CD226: variants seen among roughly 807,000 people sequenced by gnomAD.
CD226 encodes CD226 molecule, also known as CD226 antigen.
In CD226, 24 loss-of-function variants were observed where a neutral mutation model predicts 34.9. The observed-to-expected ratio is 0.69, with a 90% CI of 0.50 to 0.97. The LOEUF (loss-of-function observed/expected upper bound fraction) is 0.97. Among genes scored for constraint, CD226 ranks in the 50% least tolerant of loss-of-function variants. The pLI, the probability that CD226 is intolerant of heterozygous loss-of-function variation, is 0.00. For missense variants in CD226, 397 were observed against 412.7 expected, an observed-to-expected ratio of 0.96 and a Z score of 0.33; for synonymous variants, 148 against 147.4, an observed-to-expected ratio of 1.00 and a Z score of -0.03.
chr18:69,958,838 C>T (rs1399507871), upstream of CD226, among the ~76,000 whole-genome samples: 1 of 150,084 alleles, frequency 6.7e-6, no homozygotes, highest in Non-Finnish European at 1.5e-5. Flanking sequence ...CATCCTTCTC[C>T]TTATCACCCA....
chr18:69,856,823 C>T lies in CD226; in HGVS notation c.*7491G>A, dbSNP rs1300624332. On this transcript the variant is annotated 3_prime_UTR_variant, in exon 6 of 6. Coordinates refer to ENST00000582621, the MANE Select transcript of CD226 (RefSeq NM_001303618.2). ...GTGAAATTTATAGCATTAAGTGCCA[C>T]TATTGGAAAAGAAAACAACATATAA... 6.6e-6 allele frequency: 1 copy of T among 152,154 alleles called. No homozygotes were observed. Among genetic ancestry groups the T allele is most frequent in the African/African-American group, 2.4e-5 (1 of 41,430 alleles). The allele number at this position is 152,154 out of a possible 1,614,324, so 9.4% of individuals were successfully genotyped here. A position where few individuals can be genotyped will look rare whatever the true frequency, so the allele number is the denominator to read the frequency against.
At chr18:69,875,699 T>C (rs889858135) in intron 3 of CD226, among the ~76,000 whole-genome samples, 2 of 152,260 alleles carry the variant, frequency 1.3e-5, no homozygotes, top group African/African-American at 4.8e-5. Flanking sequence ...TTTGGAAAGA[T>C]GTCTGTTTTT....
intron 2 of CD226, among the ~76,000 whole-genome samples, chr18:69,922,111 GT>G (rs2055459185): frequency 6.6e-6 from 1 of 151,970 alleles, no homozygotes; most frequent in African/African-American, 2.4e-5. Context: ...CATGCAGGAG[GT>G]TTTTCTAACA....
intron 2 of CD226, among the ~76,000 whole-genome samples, chr18:69,924,774 A>G (rs1308228247): frequency 6.6e-6 from 1 of 150,964 alleles, no homozygotes; most frequent in African/African-American, 2.4e-5. Context: ...TGAGGCCCAA[A>G]GAGTGTTTGA....
intron 2 of CD226, among the ~76,000 whole-genome samples, chr18:69,934,291 C>T (rs2055624668): frequency 6.6e-6 from 1 of 151,914 alleles, no homozygotes; most frequent in South Asian, 2.1e-4. Context: ...CACACACACA[C>T]ACACACACAC....
chr18:69,858,712 AC>A lies in CD226; in HGVS notation c.*5601del, dbSNP rs1298152981. ...CTATGAGCCACCCCTATGTTCAAAT[AC>A]TTAACTTTTTTTTTTTTTTTTTTTT... is the stretch of plus-strand genomic sequence containing the variant. On this transcript the variant is annotated 3_prime_UTR_variant, in exon 6 of 6. Transcript: ENST00000582621. The A allele has an allele frequency of 1.8e-5, 2 of 113,202 alleles. No individual in the cohort carries two copies. The highest frequency in any genetic ancestry group is 3.7e-5 in the Non-Finnish European group (2 of 54,134). 7.0% of individuals were successfully genotyped at this position (113,202 alleles called of 1,614,324 possible).
At chr18:69,953,846 A>G (rs2145384040) in intron 1 of CD226, among the ~76,000 whole-genome samples, 1 of 152,168 alleles carries the variant, frequency 6.6e-6, no homozygotes, top group South Asian at 2.1e-4. Context: ...CTAAAAATAC[A>G]AAAATTAGCT....
intron 2 of CD226, among the ~76,000 whole-genome samples, chr18:69,906,444 T>G (rs2055254132): frequency 6.6e-6 from 1 of 152,202 alleles, no homozygotes. Context: ...AGACATGACC[T>G]ATGAAATAGA....
At chr18:69,939,174 G>A (rs1440869700) in intron 2 of CD226, among the ~76,000 whole-genome samples, 1 of 152,168 alleles carries the variant, frequency 6.6e-6, no homozygotes, top group Non-Finnish European at 1.5e-5. Flanking sequence ...ACCTGTATAA[G>A]GAAAACACCC....
intron 3 of CD226, among the ~76,000 whole-genome samples, chr18:69,875,916 AAGAT>A (rs1243440256): frequency 1.3e-5 from 2 of 152,210 alleles, no homozygotes. Flanking sequence ...GGGAGGGCAG[AAGAT>A]AGGGAGACGC....
At chr18:69,876,958 G>C (rs1446172030) in intron 3 of CD226, among the ~76,000 whole-genome samples, 1 of 145,072 alleles carries the variant, frequency 6.9e-6, no homozygotes, top group Non-Finnish European at 1.5e-5. Context: ...CCGCCTCCCA[G>C]GTTCAAGTGA....
chr18:69,888,416 C>CTTTTTT (rs397771802), intron 3 of CD226, among the ~76,000 whole-genome samples: 3 of 125,076 alleles, frequency 2.4e-5, no homozygotes, highest in Non-Finnish European at 4.8e-5. Flanking sequence ...TTTCCTTTCT[C>CTTTTTT]TTTTTTTTTT....
intron 2 of CD226, among the ~76,000 whole-genome samples, chr18:69,914,811 C>G (rs2055366335): frequency 6.6e-6 from 1 of 152,144 alleles, no homozygotes; most frequent in South Asian, 2.1e-4. Context: ...GAATTAAAAT[C>G]AATAATGCAA....
intron 2 of CD226, among the ~76,000 whole-genome samples, chr18:69,930,039 A>G (rs2055570547): frequency 6.6e-6 from 1 of 152,064 alleles, no homozygotes; most frequent in Non-Finnish European, 1.5e-5. Context: ...GCAACTACAA[A>G]CAAAATCCTA....
At chr18:69,901,702 AC>A (rs1474761670) in intron 2 of CD226, among the ~76,000 whole-genome samples, 1 of 151,998 alleles carries the variant, frequency 6.6e-6, no homozygotes, top group Non-Finnish European at 1.5e-5. Context: ...ACATGGTGAA[AC>A]CCCGTCTCTA....
chr18:69,942,604 T>C (rs974611949), intron 2 of CD226, among the ~76,000 whole-genome samples: 1 of 152,218 alleles, frequency 6.6e-6, no homozygotes, highest in Non-Finnish European at 1.5e-5. Context: ...GAATCTACTG[T>C]ACTAAAGCTT....
chr18:69,892,042 C>T (rs1984933031), intron 3 of CD226, among the ~76,000 whole-genome samples: 1 of 152,210 alleles, frequency 6.6e-6, no homozygotes, highest in Non-Finnish European at 1.5e-5. Flanking sequence ...GGTTACTCTT[C>T]ATAACCTGTT....
At chr18:69,926,919 A>G (rs1426159568) in intron 2 of CD226, among the ~76,000 whole-genome samples, 2 of 152,214 alleles carry the variant, frequency 1.3e-5, no homozygotes, top group Non-Finnish European at 2.9e-5. Flanking sequence ...AAAGACAAGA[A>G]CCAAAACAAT....
chr18:69,891,847 C>T (rs1055328148), intron 3 of CD226, among the ~76,000 whole-genome samples: 2 of 152,300 alleles, frequency 1.3e-5, no homozygotes, highest in Non-Finnish European at 2.9e-5. Flanking sequence ...ATTGTTTTGC[C>T]ATCTTTGCTC....
Sources: gnomAD v4.1 joint callset for allele counts (sites outside exome capture counted in the v4.1 genomes callset) on GRCh38, gnomAD v4.1.1 for gene constraint, MANE v1.5 for transcripts, NCBI Gene and HGNC (gene_info 2026-07-23, HGNC 2026-07-21) for gene names.